Variants in PKIG observed in about 807,000 individuals in gnomAD.
PKIG encodes protein kinase (cAMP-dependent, catalytic) inhibitor gamma.
A neutral mutation model predicts 6.8 loss-of-function variants in PKIG; 1 was observed. That is an observed-to-expected ratio of 0.15 (90% CI 0.05 to 0.69). The LOEUF (loss-of-function observed/expected upper bound fraction) is 0.69. Ranked by LOEUF, PKIG falls within the 30% of genes least tolerant of loss-of-function variation. The pLI is 0.82. For missense variants in PKIG, 77 were observed against 104.0 expected, an observed-to-expected ratio of 0.74 and a Z score of 1.13; for synonymous variants, 39 against 43.0, an observed-to-expected ratio of 0.91 and a Z score of 0.36.
intron 1 of PKIG, among the ~76,000 whole-genome samples, chr20:44,556,223 T>A (rs2064711838): frequency 1.3e-5 from 2 of 152,252 alleles, no homozygotes; most frequent in African/African-American, 4.8e-5. Flanking sequence ...TTTTATTTTC[T>A]GTTCTCATTT....
At chr20:44,593,324 A>T (rs1466746982) in intron 2 of PKIG, among the ~76,000 whole-genome samples, 1 of 150,696 alleles carries the variant, frequency 6.6e-6, no homozygotes, top group Admixed American at 6.6e-5. Context: ...AAAGAGTGAG[A>T]TTATGTCTCA....
At chr20:44,590,075 C>T (rs1449761090) in intron 2 of PKIG, among the ~76,000 whole-genome samples, 1 of 151,958 alleles carries the variant, frequency 6.6e-6, no homozygotes, top group East Asian at 1.9e-4. Flanking sequence ...ATTCTGTTTT[C>T]AGGCGTTTTT....
Sources: allele counts gnomAD v4.1 joint callset (sites outside exome capture counted in the v4.1 genomes callset), GRCh38; gene constraint gnomAD v4.1.1; transcripts MANE v1.5; gene names NCBI Gene and HGNC (gene_info 2026-07-23, HGNC 2026-07-21).